The following GRN variants were observed in gnomAD, a reference collection of about 807,000 sequenced individuals.
GRN encodes granulin precursor.
GRN carries 30 observed loss-of-function variants against 66.7 expected under a neutral mutation model. The observed-to-expected ratio is 0.45, with a 90% CI of 0.34 to 0.61. The LOEUF is 0.61. Among genes scored for constraint, GRN ranks in the 20% least tolerant of loss-of-function variants. The pLI is 0.01. For missense variants in GRN, 731 were observed against 803.5 expected, an observed-to-expected ratio of 0.91 and a Z score of 1.09; for synonymous variants, 327 against 311.1, an observed-to-expected ratio of 1.05 and a Z score of -0.54.
intron 1 of GRN, among the ~76,000 whole-genome samples, chr17:44,348,444 G>GCCC (rs2143320835): frequency 6.6e-6 from 1 of 152,368 alleles, no homozygotes; most frequent in East Asian, 1.9e-4. Context: ...ATCTCAGAGG[G>GCCC]CCCTGGTGGT....
intron 7 of GRN, 66 bp downstream of exon 7, chr17:44,350,866 A>C: frequency 1.4e-6 from 2 of 1,425,794 alleles, no homozygotes; most frequent in Non-Finnish European, 2.0e-6. Flanking sequence ...CACGCACCTT[A>C]CAGGGGCTCT....
chr17:44,346,039 T>G (rs541862952), intron 1 of GRN: 6 of 152,356 alleles, frequency 3.9e-5, no homozygotes, highest in Admixed American at 3.3e-4. Context: ...TGTTTCTGTA[T>G]GCGAGTGCTT....
In GRN at chr17:44,352,453, C is replaced by A; in HGVS notation, c.1526C>A (p.Ala509Asp). ...VVSAQPATFL[A>D]RSPHVGVKDV... is the part of the protein sequence containing the mutation. ...TCTGCCCAGCCTGCCACCTTCCTGG[C>A]CCGTAGCCCTCACGTGGGTGTGAAG... Residue 509 changes from alanine (A) to aspartate (D), a missense_variant, in exon 12 of 13, where the codon GCC becomes GAC. By Grantham distance (126) the Ala-to-Asp change is moderately radical. This residue lies in a region of GRN where 319 missense variants were observed against 347.2 expected (regional missense o/e 0.92). Transcript: ENST00000053867. 6.2e-7 allele frequency: 1 copy of A among 1,614,072 alleles called. No individual in the cohort carries two copies. Among genetic ancestry groups the A allele is most frequent in the Non-Finnish European group, 8.5e-7 (1 of 1,179,944 alleles).
At chr17:44,347,116 CAA>C (rs58507117) in intron 1 of GRN, among the ~76,000 whole-genome samples, 2 of 145,766 alleles carry the variant, frequency 1.4e-5, no homozygotes. Context: ...GACTCCATCT[CAA>C]AAAAAAAAGA....
chr17:44,347,351 T>A (rs1199123339), intron 1 of GRN, among the ~76,000 whole-genome samples: 1 of 152,028 alleles, frequency 6.6e-6, no homozygotes, highest in Admixed American at 6.6e-5. Flanking sequence ...TATGTTGGCG[T>A]GATCTCTGCT....
intron 4 of GRN, 126 bp downstream of exon 4, chr17:44,349,877 C>T: frequency 1.4e-6 from 1 of 713,902 alleles, no homozygotes; most frequent in East Asian, 2.7e-5. Flanking sequence ...GGCATCTGTA[C>T]TAAGCAACAG....
chr17:44,351,120 G>A lies in GRN; in HGVS notation c.792G>A (p.Glu264=). The change falls in exon 8 of 13, where the codon GAG becomes GAA. Residue 264 remains glutamate (E), a synonymous_variant. Transcript: ENST00000053867. The part of the protein sequence containing the change: ...DLIQSKCLSK[E]NATTDLLTKL... ...TCCAGAGTAAGTGCCTCTCCAAGGA[G>A]AACGCTACCACGGACCTCCTCACTA... The A allele has an allele frequency of 1.2e-6, 2 of 1,614,142 alleles. No individual in the cohort carries two copies. The highest frequency in any genetic ancestry group is 2.2e-5 in the East Asian group (1 of 44,882).
At chr17:44,352,296 AG>A in intron 11 of GRN, 44 bp from the exon 12 acceptor site, 1 of 1,603,314 alleles carries the variant, frequency 6.2e-7, no homozygotes. Flanking sequence ...AAGCCCAGTG[AG>A]GGGACAGGAA....
intron 1 of GRN, among the ~76,000 whole-genome samples, chr17:44,348,525 A>C (rs2048342013): frequency 6.6e-6 from 1 of 152,150 alleles, no homozygotes; most frequent in Non-Finnish European, 1.5e-5. Flanking sequence ...CTGGGTGAGG[A>C]GGGGACATTC....
At position 44,351,153 on chromosome 17, in the gene GRN, T is replaced by C; in HGVS notation, c.825T>C (p.Pro275=). Residue 275 remains proline (P), a synonymous_variant, in exon 8 of 13, where the codon CCT becomes CCC. Transcript: ENST00000053867. ...CCACGGACCTCCTCACTAAGCTGCC[T>C]GCGCACACAGGTACCAGAGGCAGGG... ...NATTDLLTKL[P]AHTVGDVKCD... The C allele has an allele frequency of 6.2e-7, 1 of 1,614,152 alleles. No homozygotes were observed. Among genetic ancestry groups the C allele is most frequent in the Non-Finnish European group, 8.5e-7 (1 of 1,179,996 alleles).
At position 44,352,418 on chromosome 17, in the gene GRN, G is replaced by C; in HGVS notation, c.1491G>C (p.Lys497Asn). 1 of 1,614,100 alleles carries C rather than the reference G, an allele frequency of 6.2e-7. No homozygotes were observed. Among genetic ancestry groups the C allele is most frequent in the Non-Finnish European group, 8.5e-7 (1 of 1,180,026 alleles). The part of the protein sequence containing the change: ...TCNVKARSCE[K>N]EVVSAQPATF... Reference sequence around the variant, plus strand: ...ACGTGAAGGCTCGATCCTGCGAGAAGGAAGTGGTCTCTGCCCAGCCTGCCA... The same window carrying C: ...ACGTGAAGGCTCGATCCTGCGAGAACGAAGTGGTCTCTGCCCAGCCTGCCA... The change falls in exon 12 of 13, where the codon AAG (lysine) becomes AAC (asparagine). Residue 497 changes from lysine (K) to asparagine (N), a missense_variant. Physicochemically the swap from Lys to Asn is moderately conservative, Grantham distance 94. This residue lies in a region of GRN where 319 missense variants were observed against 347.2 expected (regional missense o/e 0.92). Coordinates refer to ENST00000053867, the MANE Select transcript of GRN (RefSeq NM_002087.4).
intron 4 of GRN, 134 bp from the exon 5 acceptor site, chr17:44,350,094 A>G: frequency 1.3e-6 from 1 of 758,604 alleles, no homozygotes; most frequent in East Asian, 2.6e-5. Flanking sequence ...TGCCTAGGAG[A>G]TCACTGAGCC....
chr17:44,352,641 GC>G lies in GRN; in HGVS notation c.1645-14del, dbSNP rs867218676. 2 of 1,609,688 alleles carry G rather than the reference GC, an allele frequency of 1.2e-6. No individual in the cohort carries two copies. The highest frequency in any genetic ancestry group is 1.7e-5 in the Admixed American group (1 of 59,992). ...AGGTCCCACCTCGTCCAACCCTCTCGCCCCCCTCTGACCATCCAGGGCGTCT... is the reference window on the plus strand; with the variant it reads ...AGGTCCCACCTCGTCCAACCCTCTCGCCCCCTCTGACCATCCAGGGCGTCT... On this transcript the variant is annotated intron_variant, in intron 12 of 12. Coordinates refer to ENST00000053867, the MANE Select transcript of GRN (RefSeq NM_002087.4).
rs1189090748 is a variant in GRN, at chr17:44,352,179, C to T, written c.1344C>T (p.Thr448=). The change falls in exon 11 of 13, where the codon ACC becomes ACT. Residue 448 remains threonine, a synonymous_variant. Coordinates refer to ENST00000053867, the MANE Select transcript of GRN (RefSeq NM_002087.4). ...GAGACATCGGCTGTGACCAGCACAC[C>T]AGCTGCCCGGTGGGGCAGACCTGCT... ...HPRDIGCDQH[T]SCPVGQTCCP... 12 of 1,613,622 alleles carry T rather than the reference C, an allele frequency of 7.4e-6. No homozygotes were observed. In the East Asian group the frequency reaches 2.5e-4, roughly 33 times the overall value.
In GRN at chr17:44,349,564, T is replaced by C. The variant is rs2143327759; in HGVS notation, c.264+13T>C. 6.2e-7 allele frequency: 1 copy of C among 1,614,148 alleles called. No individual in the cohort carries two copies. The highest frequency in any genetic ancestry group is 2.2e-5 in the East Asian group (1 of 44,890). On this transcript the variant is annotated intron_variant, in intron 3 of 12. Coordinates refer to ENST00000053867, the MANE Select transcript of GRN (RefSeq NM_002087.4). The stretch of plus-strand genomic sequence containing the variant: ...CCCCTTCCCAGAGGTGAGCGTGCCA[T>C]CAGCCCAGTGGAGGGGCTTAGGTCT...
intron 4 of GRN, 132 bp downstream of exon 4, chr17:44,349,883 A>G (rs2048355675): frequency 1.4e-6 from 1 of 701,460 alleles, no homozygotes; most frequent in African/African-American, 1.8e-5. Flanking sequence ...TGTACTAAGC[A>G]ACAGCCCTGC....
At chr17:44,351,960 G>A in intron 10 of GRN, 55 bp from the exon 11 acceptor site, 2 of 1,503,762 alleles carry the variant, frequency 1.3e-6, no homozygotes, top group Non-Finnish European at 9.2e-7. Context: ...TAGGGGCTCG[G>A]CACTGCGCCC....
Position 44,349,217 on chromosome 17 carries a change from C to T in GRN, c.53C>T (p.Thr18Met), listed in dbSNP as rs199572314. 9.0e-5 allele frequency: 146 copies of T among 1,613,992 alleles called. No individual in the cohort carries two copies. The highest frequency in any genetic ancestry group is 1.1e-4 in the Non-Finnish European group (135 of 1,179,940). ...VALTAGLVAG[T>M]RCPDGQFCPV... is the part of the protein sequence containing the mutation. ...TTAACAGCAGGGCTGGTGGCTGGAA[C>T]GCGGTGCCCAGATGGTCAGTTCTGC... Residue 18 changes from threonine to methionine, a missense_variant, in exon 2 of 13, where the codon ACG (threonine) becomes ATG (methionine). This residue lies in a region of GRN where 370 missense variants were observed against 379.8 expected (regional missense o/e 0.97). Transcript: ENST00000053867.
chr17:44,346,668 G>A (rs770021452), intron 1 of GRN, among the ~76,000 whole-genome samples: 2 of 152,196 alleles, frequency 1.3e-5, no homozygotes, highest in African/African-American at 2.4e-5. Context: ...GATGTGTGAC[G>A]TGTTATAGGT....
Sources: allele counts gnomAD v4.1 joint callset (sites outside exome capture counted in the v4.1 genomes callset), GRCh38; gene constraint gnomAD v4.1.1; regional missense constraint gnomAD v4.1.1; transcripts MANE v1.5; gene names NCBI Gene and HGNC (gene_info 2026-07-23, HGNC 2026-07-21).